The following SCN11A variants were observed in gnomAD, a reference collection of about 807,000 sequenced individuals.
SCN11A encodes the protein sodium channel protein type 11 subunit alpha.
SCN11A carries 122 observed loss-of-function variants against 162.2 expected under a neutral mutation model. The ratio of observed to expected loss-of-function variants is 0.75; its 90% CI spans 0.65 to 0.87. The LOEUF (loss-of-function observed/expected upper bound fraction) is 0.87, where lower values mean the gene tolerates loss of function less well. Ranked by LOEUF, SCN11A falls within the 40% of genes least tolerant of loss-of-function variation. The pLI, the probability that SCN11A is intolerant of heterozygous loss-of-function variation, is 0.00. For synonymous variants in SCN11A, 758 were observed against 751.5 expected (o/e 1.01, Z -0.14); for missense variants, 2,015 against 2,181.6 (o/e 0.92, Z 1.52).
intron 1 of SCN11A, among the ~76,000 whole-genome samples, chr3:39,033,876 A>C (rs2031829688): frequency 6.6e-6 from 1 of 152,134 alleles, no homozygotes; most frequent in Admixed American, 6.5e-5. Flanking sequence ...AGATAATTAA[A>C]AGTATAGGAT....
rs187554562 is a variant in SCN11A, at chr3:38,860,187, A to G, written c.4056+3008T>C. 4.6e-5 allele frequency among the ~76,000 whole-genome samples: 7 copies of G among 152,156 alleles called. No individual in the cohort carries two copies. In the East Asian group the frequency reaches 1.4e-3, roughly 29 times the overall value. On this transcript the variant is annotated intron_variant, in intron 28 of 29. Coordinates refer to ENST00000302328, the MANE Select transcript of SCN11A (RefSeq NM_001349253.2). ...CCCTACCCACCAAATTATCTTTAAA[A>G]ACCTCTGATCCCTGAATGCTCGGGG... is the stretch of plus-strand genomic sequence containing the variant.
chr3:38,972,998 G>C (rs2066825559), intron 2 of SCN11A, among the ~76,000 whole-genome samples: 1 of 152,110 alleles, frequency 6.6e-6, no homozygotes, highest in Admixed American at 6.5e-5. Flanking sequence ...TAATTAATGA[G>C]GCTTGGAGAG....
chr3:38,912,471 T>A (rs1342899601), intron 11 of SCN11A, among the ~76,000 whole-genome samples: 1 of 152,112 alleles, frequency 6.6e-6, no homozygotes, highest in Non-Finnish European at 1.5e-5. Context: ...TTCTTTCTAT[T>A]TATTTATTTT....
chr3:38,911,225 G>A (rs2065883372), intron 11 of SCN11A, among the ~76,000 whole-genome samples: 1 of 152,096 alleles, frequency 6.6e-6, no homozygotes, highest in Non-Finnish European at 1.5e-5. Flanking sequence ...AGCTTCTTAA[G>A]AAGATTGTGT....
intron 2 of SCN11A, among the ~76,000 whole-genome samples, chr3:39,003,599 A>C (rs1168911918): frequency 6.6e-6 from 1 of 152,240 alleles, no homozygotes; most frequent in Non-Finnish European, 1.5e-5. Flanking sequence ...TCTTTGAGGA[A>C]TCACCATATG....
chr3:38,953,428 AG>A (rs899717977), intron 4 of SCN11A, among the ~76,000 whole-genome samples, 200 bp downstream of exon 4: 119 of 152,148 alleles, frequency 7.8e-4, no homozygotes, highest in African/African-American at 2.7e-3. Flanking sequence ...AAAAAAAAAA[AG>A]TCCCTCTAAC....
intron 9 of SCN11A, among the ~76,000 whole-genome samples, chr3:38,921,601 G>A (rs1284917638): frequency 6.6e-6 from 1 of 152,176 alleles, no homozygotes; most frequent in East Asian, 1.9e-4. Context: ...CACCTAAGCT[G>A]GGGCCACACT....
At position 38,925,433 on chromosome 3, in the gene SCN11A, C is replaced by T; in HGVS notation, c.694G>A (p.Ala232Thr). The change falls in exon 9 of 30, where the codon GCA becomes ACA. Residue 232 changes from alanine to threonine, a missense_variant. Ala to Thr is a moderately conservative substitution (Grantham distance 58, BLOSUM62 0). Transcript: ENST00000302328. ...RTFRVFRALK[A>T]ISVVSRLKVI... Reference sequence around the variant, plus strand: ...GACTTACGTGAAACTACTGAAATTGCTTTCAAAGCTCTGAACACACGGAAG... The same window carrying T: ...GACTTACGTGAAACTACTGAAATTGTTTTCAAAGCTCTGAACACACGGAAG... The T allele has an allele frequency of 6.2e-7, 1 of 1,611,740 alleles. No individual in the cohort carries two copies. Among genetic ancestry groups the T allele is most frequent in the Non-Finnish European group, 8.5e-7 (1 of 1,177,868 alleles).
At position 39,039,723 on chromosome 3, in the gene SCN11A, C is replaced by T. The variant is rs549691171; in HGVS notation, c.-403-7220G>A. Among the ~76,000 whole-genome samples, 6 of 152,214 alleles carry T rather than the reference C, an allele frequency of 3.9e-5. No individual in the cohort carries two copies. In the South Asian group the frequency reaches 1.2e-3, roughly 32 times the overall value. ...CCCACCGCTGCCAGCAACCCTATCC[C>T]CTCCAGTGATGAGGCTGCCTTATGC... On this transcript the variant is annotated intron_variant, in intron 1 of 29. Coordinates refer to ENST00000302328, the MANE Select transcript of SCN11A (RefSeq NM_001349253.2).
At chr3:38,876,927 T>C (rs2065216979) in intron 23 of SCN11A, among the ~76,000 whole-genome samples, 2 of 151,346 alleles carry the variant, frequency 1.3e-5, no homozygotes, top group African/African-American at 2.4e-5. Flanking sequence ...CAATTCGCAA[T>C]TGCAAAAATA....
chr3:38,984,191 C>T (rs1231547747), intron 2 of SCN11A, among the ~76,000 whole-genome samples: 1 of 152,224 alleles, frequency 6.6e-6, no homozygotes, highest in Admixed American at 6.5e-5. Flanking sequence ...ACCACATTCT[C>T]TAGGAATGTA....
rs2126122594 is a variant in SCN11A at position 38,902,016 on chromosome 3, T to C, written c.1842+1849A>G. On this transcript the variant is annotated intron_variant, in intron 16 of 29. Transcript: ENST00000302328. Reference sequence around the variant, plus strand: ...GTCAGTGGTAAATCTGAGATGGGGGTTTTTCTCATTTTCTAAATTTGGACC... The same window carrying C: ...GTCAGTGGTAAATCTGAGATGGGGGCTTTTCTCATTTTCTAAATTTGGACC... 4.0e-5 allele frequency among the ~76,000 whole-genome samples: 6 copies of C among 150,938 alleles called. No homozygotes were observed. In the South Asian group the frequency reaches 1.3e-3, roughly 32 times the overall value.
intron 4 of SCN11A, among the ~76,000 whole-genome samples, chr3:38,951,910 G>T (rs899380337): frequency 2.6e-5 from 4 of 152,188 alleles, no homozygotes; most frequent in African/African-American, 9.6e-5. Context: ...GGCCAGATAA[G>T]AGAATAAAAT....
In SCN11A at chr3:38,868,452, C is replaced by T. The variant is rs78877702; in HGVS notation, c.3814-994G>A. On this transcript the variant is annotated intron_variant, in intron 26 of 29. Transcript: ENST00000302328. ...CATTAGACATTTAAAATAAAATTGC[C>T]AAGTGGGCTAATAGTCTTGCATGTT... 6.9e-3 allele frequency among the ~76,000 whole-genome samples: 1,046 copies of T among 152,238 alleles called. 40 individuals carry two copies. The highest frequency in any genetic ancestry group is 0.047 in the Admixed American group (716 of 15,292).
At chr3:39,006,528 C>T (rs2030977695) in intron 2 of SCN11A, among the ~76,000 whole-genome samples, 1 of 151,024 alleles carries the variant, frequency 6.6e-6, no homozygotes, top group Non-Finnish European at 1.5e-5. Context: ...TGGAGACAAA[C>T]CAACCAATAG....
chr3:38,898,882 C>T lies in SCN11A; in HGVS notation c.2022+1012G>A, dbSNP rs114813266. Among the ~76,000 whole-genome samples the T allele has an allele frequency of 8.4e-3, 1,284 of 152,062 alleles. 23 individuals carry two copies. Among genetic ancestry groups the T allele is most frequent in the African/African-American group, 0.03 (1,231 of 41,470 alleles). On this transcript the variant is annotated intron_variant, in intron 17 of 29. Coordinates refer to ENST00000302328, the MANE Select transcript of SCN11A (RefSeq NM_001349253.2). ...GTTCCATTCTCATACAGAGACAATGCCACAGATTTCCGTGCATTAGAGCCT... is the reference window on the plus strand; with the variant it reads ...GTTCCATTCTCATACAGAGACAATGTCACAGATTTCCGTGCATTAGAGCCT...
chr3:38,907,310 A>ATGTGTG (rs141158768), intron 14 of SCN11A, among the ~76,000 whole-genome samples: 60 of 119,232 alleles, frequency 5.0e-4, no homozygotes, highest in African/African-American at 1.3e-3. Context: ...ACCAACATAT[A>ATGTGTG]TGTGTGTGTG....
At chr3:38,880,929 C>T (rs1340636789) in intron 22 of SCN11A, among the ~76,000 whole-genome samples, 1 of 152,120 alleles carries the variant, frequency 6.6e-6, no homozygotes, top group East Asian at 1.9e-4. Flanking sequence ...AGGAAGACGG[C>T]CTGTTACTAA....
Position 38,894,889 on chromosome 3 carries a change from C to A in SCN11A, c.2479G>T (p.Ala827Ser), listed in dbSNP as rs746055250. ...GCTAACTGGACTTTAGTTTTCCTGG[C>A]CTCTCCTTCTAAGTTTCCATTTCTT... is the stretch of plus-strand genomic sequence containing the variant. ...EERNGNLEGE[A>S]RKTKVQLALD... is the part of the protein sequence containing the mutation. Residue 827 changes from alanine to serine, a missense_variant, in exon 19 of 30, where the codon GCC (alanine) becomes TCC (serine). Physicochemically the swap from Ala to Ser is moderately conservative, Grantham distance 99. Coordinates refer to ENST00000302328, the MANE Select transcript of SCN11A (RefSeq NM_001349253.2). The A allele has an allele frequency of 5.6e-6, 9 of 1,614,134 alleles. No homozygotes were observed. The Admixed American group carries it at 1.3e-4, about 24-fold the overall frequency.
Sources: allele counts gnomAD v4.1 joint callset (sites outside exome capture counted in the v4.1 genomes callset), GRCh38; gene constraint gnomAD v4.1.1; transcripts MANE v1.5; gene names NCBI Gene and HGNC (gene_info 2026-07-23, HGNC 2026-07-21).